The following FAM91A1 variants were observed in gnomAD, a reference collection of about 807,000 sequenced individuals.
FAM91A1 encodes the protein family with sequence similarity 91 member A1.
A neutral mutation model predicts 113.5 loss-of-function variants in FAM91A1; 41 were observed. The ratio of observed to expected loss-of-function variants is 0.36; its 90% CI spans 0.28 to 0.47. FAM91A1 has a LOEUF of 0.47. FAM91A1 is among the 20% of genes least tolerant of loss of function. The pLI is 1.00. For synonymous variants in FAM91A1, 307 were observed against 347.9 expected, an observed-to-expected ratio of 0.88 and a Z score of 1.31; for missense variants, 696 against 1,001.2, an observed-to-expected ratio of 0.70 and a Z score of 4.11.
chr8:123,787,421 AG>A, intron 13 of FAM91A1, 48 bp downstream of exon 13: 1 of 1,353,736 alleles, frequency 7.4e-7, no homozygotes. Flanking sequence ...AATAAATACT[AG>A]ATATAAAATA....
chr8:123,768,652 G>C lies in FAM91A1; in HGVS notation c.-51G>C, dbSNP rs747380687. 1 of 1,502,736 alleles carries C rather than the reference G, an allele frequency of 6.7e-7. No homozygotes were observed. The highest frequency in any genetic ancestry group is 1.2e-5 in the South Asian group (1 of 82,964). The allele number at this position is 1,502,736 out of a possible 1,614,324, so 93.1% of individuals were successfully genotyped here. A position where few individuals can be genotyped will look rare whatever the true frequency, so the allele number is the denominator to read the frequency against. On this transcript the variant is annotated 5_prime_UTR_variant, in exon 1 of 24. Transcript: ENST00000334705. The stretch of plus-strand genomic sequence containing the variant: ...GGCTGCGGGCGGGCAGGCGGGAGGC[G>C]TAGTGTGGGTCGCGGTGGCGGCCCC...
rs553289016 is a variant in FAM91A1 at position 123,783,896 on chromosome 8, G to A, written c.704-574G>A. Among the ~76,000 whole-genome samples, 26 of 152,302 alleles carry A rather than the reference G, an allele frequency of 1.7e-4. No homozygotes were observed. In the South Asian group the frequency reaches 5.0e-3, roughly 29 times the overall value. ...GTTGCCACTGAGGCCCACTGGGGAGGATACCAGAAAAGAAAGCCCCAAAGA... is the reference window on the plus strand; with the variant it reads ...GTTGCCACTGAGGCCCACTGGGGAGAATACCAGAAAAGAAAGCCCCAAAGA... On this transcript the variant is annotated intron_variant, in intron 8 of 23. Coordinates refer to ENST00000334705, the MANE Select transcript of FAM91A1 (RefSeq NM_144963.4).
intron 18 of FAM91A1, among the ~76,000 whole-genome samples, 195 bp downstream of exon 18, chr8:123,800,080 T>TA (rs1195928718): frequency 1.3e-5 from 2 of 152,144 alleles, no homozygotes; most frequent in African/African-American, 4.8e-5. Flanking sequence ...ACTTTGAAGT[T>TA]AGACCCAGGT....
chr8:123,814,801 T>A lies in FAM91A1; in HGVS notation c.*2097T>A, dbSNP rs1323932318. On this transcript the variant is annotated 3_prime_UTR_variant, in exon 24 of 24. Transcript: ENST00000334705. Reference sequence around the variant, plus strand: ...AATTTGGCTTTGTTTTACTTATACATTAACTCATGTAATCTCTTAAATCTT... The same window carrying A: ...AATTTGGCTTTGTTTTACTTATACAATAACTCATGTAATCTCTTAAATCTT... The A allele has an allele frequency of 1.3e-5, 2 of 152,670 alleles. No individual in the cohort carries two copies. Among genetic ancestry groups the A allele is most frequent in the Non-Finnish European group, 2.9e-5 (2 of 68,042 alleles). The allele number at this position is 152,670 out of a possible 1,614,324, so 9.5% of individuals were successfully genotyped here.
At chr8:123,788,709 G>A (rs764272684) in intron 14 of FAM91A1, among the ~76,000 whole-genome samples, 3 of 151,828 alleles carry the variant, frequency 2.0e-5, no homozygotes, top group Non-Finnish European at 4.4e-5. Flanking sequence ...TCAAGTTCTG[G>A]TTTTCTGATT....
At chr8:123,794,409 A>T (rs961911003) in intron 15 of FAM91A1, among the ~76,000 whole-genome samples, 6 of 152,246 alleles carry the variant, frequency 3.9e-5, no homozygotes, top group African/African-American at 1.4e-4. Context: ...AACTTAATGC[A>T]CACATTTACA....
chr8:123,805,872 T>C (rs1447961864), intron 19 of FAM91A1, among the ~76,000 whole-genome samples: 1 of 152,230 alleles, frequency 6.6e-6, no homozygotes, highest in Non-Finnish European at 1.5e-5. Context: ...TGAGTTAAGA[T>C]ATAAATAATT....
rs1815207218 is a variant in FAM91A1, at chr8:123,784,620, A to T, written c.810+44A>T. ...CATGAAAATATAATCTCAAGATTGTAAGTTTGTGTAAAGTAAGTAAAGTTA... is the reference window on the plus strand; with the variant it reads ...CATGAAAATATAATCTCAAGATTGTTAGTTTGTGTAAAGTAAGTAAAGTTA... On this transcript the variant is annotated intron_variant, in intron 9 of 23. Coordinates refer to ENST00000334705, the MANE Select transcript of FAM91A1 (RefSeq NM_144963.4). The T allele has an allele frequency of 7.0e-6, 10 of 1,421,130 alleles. No homozygotes were observed. The South Asian group carries it at 1.2e-4, about 16-fold the overall frequency. The allele number at this position is 1,421,130 out of a possible 1,614,324, so 88.0% of individuals were successfully genotyped here.
intron 15 of FAM91A1, among the ~76,000 whole-genome samples, chr8:123,792,867 G>A (rs908792608): frequency 6.6e-6 from 1 of 152,136 alleles, no homozygotes; most frequent in Admixed American, 6.5e-5. Context: ...CTATGACAAG[G>A]TCAGAAACAG....
intron 1 of FAM91A1, among the ~76,000 whole-genome samples, chr8:123,769,706 A>T (rs1261697630): frequency 6.7e-6 from 1 of 148,640 alleles, no homozygotes; most frequent in East Asian, 1.9e-4. Context: ...CTTACATTTT[A>T]CTAAAGAAAG....
chr8:123,801,296 A>G (rs993344186), intron 18 of FAM91A1, among the ~76,000 whole-genome samples: 6 of 152,164 alleles, frequency 3.9e-5, no homozygotes, highest in African/African-American at 1.4e-4. Context: ...TTCATGATAA[A>G]CCTTATACTT....
chr8:123,803,241 T>C (rs1298577979), intron 18 of FAM91A1, among the ~76,000 whole-genome samples: 1 of 152,088 alleles, frequency 6.6e-6, no homozygotes, highest in Non-Finnish European at 1.5e-5. Flanking sequence ...AGTTAGGTTT[T>C]TTTTTTTTTT....
At chr8:123,776,885 G>A (rs1814996656) in intron 3 of FAM91A1, among the ~76,000 whole-genome samples, 1 of 152,180 alleles carries the variant, frequency 6.6e-6, no homozygotes, top group African/African-American at 2.4e-5. Flanking sequence ...GCATGTTGAT[G>A]GAGCTGTGCC....
chr8:123,809,004 G>A lies in FAM91A1; in HGVS notation c.2249G>A (p.Cys750Tyr). 1 of 1,612,224 alleles carries A rather than the reference G, an allele frequency of 6.2e-7. No homozygotes were observed. Among genetic ancestry groups the A allele is most frequent in the African/African-American group, 1.3e-5 (1 of 74,966 alleles). Residue 750 changes from cysteine (C) to tyrosine (Y), a missense_variant, in exon 22 of 24, where the codon TGC (cysteine) becomes TAC (tyrosine). Transcript: ENST00000334705. Reference protein sequence around the residue: ...VCRKIAAHGLCRKESLQNLLH... With the variant: ...VCRKIAAHGLYRKESLQNLLH... ...AGGAAAATTGCTGCACATGGCCTTTGCAGAAAAGAGAGGTGAGGGTTTATA... is the reference window on the plus strand; with the variant it reads ...AGGAAAATTGCTGCACATGGCCTTTACAGAAAAGAGAGGTGAGGGTTTATA...
Position 123,768,754 on chromosome 8 carries a change from T to G in FAM91A1, c.52T>G (p.Leu18Val), listed in dbSNP as rs1255532911. ...HIRHNYPWNK[L>V]PANVRQSLGN... is the part of the protein sequence containing the mutation. ...CCGGCACAACTACCCCTGGAACAAG[T>G]TGCCGGCCAACGTGAGACAGGTACG... Residue 18 changes from leucine to valine, a missense_variant, in exon 1 of 24, where the codon TTG becomes GTG. Transcript: ENST00000334705. The G allele has an allele frequency of 2.5e-6, 4 of 1,612,050 alleles. No homozygotes were observed. Among genetic ancestry groups the G allele is most frequent in the Non-Finnish European group, 2.5e-6 (3 of 1,179,092 alleles).
Position 123,806,209 on chromosome 8 carries a change from G to T in FAM91A1, c.2012G>T (p.Ser671Ile), listed in dbSNP as rs193192740. The change falls in exon 20 of 24, where the codon AGT (serine) becomes ATT (isoleucine). Residue 671 changes from serine (S) to isoleucine (I), a missense_variant. By Grantham distance (142) the Ser-to-Ile change is moderately radical. Transcript: ENST00000334705. The stretch of plus-strand genomic sequence containing the variant: ...AGCCAACTTGCAGATAGAAAACTCA[G>T]TGATGCTTCTGATGAGAGAGGTTAG... ...ASSQLADRKLSDASDERGEPD... is the reference protein window; with the variant it reads ...ASSQLADRKLIDASDERGEPD... 2 of 1,612,802 alleles carry T rather than the reference G, an allele frequency of 1.2e-6. No homozygotes were observed. Among genetic ancestry groups the T allele is most frequent in the Non-Finnish European group, 1.7e-6 (2 of 1,179,280 alleles).
At chr8:123,769,624 C>T (rs1432423030) in intron 1 of FAM91A1, among the ~76,000 whole-genome samples, 1 of 152,168 alleles carries the variant, frequency 6.6e-6, no homozygotes, top group Non-Finnish European at 1.5e-5. Context: ...TGACCACCTA[C>T]TAGGTGCTGT....
chr8:123,800,396 C>CA (rs1665860463), intron 18 of FAM91A1, among the ~76,000 whole-genome samples: 1 of 152,086 alleles, frequency 6.6e-6, no homozygotes, highest in Non-Finnish European at 1.5e-5. Context: ...TGGTCTCTCT[C>CA]AAAATACCTC....
chr8:123,789,785 G>A, intron 15 of FAM91A1, 40 bp downstream of exon 15: 1 of 1,593,320 alleles, frequency 6.3e-7, no homozygotes, highest in Non-Finnish European at 8.6e-7. Flanking sequence ...ATGATCATAT[G>A]AAACTTTTTT....
Sources: gnomAD v4.1 joint callset for allele counts (sites outside exome capture counted in the v4.1 genomes callset) on GRCh38, gnomAD v4.1.1 for gene constraint, MANE v1.5 for transcripts, NCBI Gene and HGNC (gene_info 2026-07-23, HGNC 2026-07-21) for gene names.